Variants in GRIN2D observed in about 807,000 individuals in gnomAD.
GRIN2D encodes glutamate receptor ionotropic, NMDA 2D.
A neutral mutation model predicts 103.2 loss-of-function variants in GRIN2D; 37 were observed. The ratio of observed to expected loss-of-function variants is 0.36; its 90% CI spans 0.28 to 0.47. The LOEUF (loss-of-function observed/expected upper bound fraction) is 0.47, where lower values mean the gene tolerates loss of function less well. Among genes scored for constraint, GRIN2D ranks in the 20% least tolerant of loss-of-function variants. GRIN2D has a pLI of 1.00. For synonymous variants in GRIN2D, 845 were observed against 885.6 expected (o/e 0.95, Z 0.81); for missense variants, 1,557 against 1,910.6 (o/e 0.81, Z 3.45).
chr19:48,402,080 A>G (rs1391026125), intron 3 of GRIN2D, among the ~76,000 whole-genome samples: 2 of 151,024 alleles, frequency 1.3e-5, no homozygotes, highest in African/African-American at 2.5e-5. Context: ...AGCCTGGACA[A>G]CAGAGCGAAA....
At chr19:48,435,430 C>T (rs538412469) in intron 11 of GRIN2D, among the ~76,000 whole-genome samples, 1 of 151,560 alleles carries the variant, frequency 6.6e-6, no homozygotes, top group Non-Finnish European at 1.5e-5. Context: ...GCTGAGATTA[C>T]AGGCGTGTGC....
At position 48,444,099 on chromosome 19, in the gene GRIN2D, C is replaced by G. The variant is rs954651986; in HGVS notation, c.*162C>G. 4.4e-6 allele frequency: 2 copies of G among 457,542 alleles called. No homozygotes were observed. The highest frequency in any genetic ancestry group is 7.5e-6 in the Non-Finnish European group (2 of 266,044). 28.3% of individuals were successfully genotyped at this position (457,542 alleles called of 1,614,324 possible). On this transcript the variant is annotated 3_prime_UTR_variant, in exon 14 of 14. Coordinates refer to ENST00000263269, the MANE Select transcript of GRIN2D (RefSeq NM_000836.4). This position sits in a 1 kb window ranked among gnomAD's most constrained non-coding sequence, Gnocchi z 5.5. ...GCGCCCCCTGGTTCTGGAGGAACCGCAAGCCGGAGAGGATTTGGTCCCTCA... is the reference window on the plus strand; with the variant it reads ...GCGCCCCCTGGTTCTGGAGGAACCGGAAGCCGGAGAGGATTTGGTCCCTCA...
intron 11 of GRIN2D, among the ~76,000 whole-genome samples, chr19:48,427,472 CTTTTTTTTTTTTTT>C (rs1038381293): frequency 1.2e-5 from 1 of 83,240 alleles, no homozygotes; most frequent in Non-Finnish European, 2.2e-5. Context: ...ATCTTCTTTT[CTTTTTTTTTTTTTT>C]TTTTTTTTTT....
chr19:48,421,959 C>T lies in GRIN2D; in HGVS notation c.2252+14C>T, dbSNP rs763240984. 28 of 1,611,936 alleles carry T rather than the reference C, an allele frequency of 1.7e-5. No homozygotes were observed. The highest frequency in any genetic ancestry group is 1.1e-4 in the East Asian group (5 of 44,796). ...GCTCAAGGCAGGGTCAGCGCAGACT[C>T]GGGCCGGGGGTGGGGGTTGGGCCGC... On this transcript the variant is annotated intron_variant, in intron 11 of 13. Coordinates refer to ENST00000263269, the MANE Select transcript of GRIN2D (RefSeq NM_000836.4). The surrounding 1 kb of genome is among the most constrained non-coding windows in gnomAD (Gnocchi z 4.8).
Position 48,442,782 on chromosome 19 carries a change from G to C in GRIN2D, c.2856G>C (p.Pro952=), listed in dbSNP as rs1006751152. ...RWRRTKGAGP[P]GGAGLADGFH... is the part of the protein sequence containing the mutation. The stretch of plus-strand genomic sequence containing the variant: ...GCCGGACCAAGGGCGCGGGGCCGCC[G>C]GGGGGCGCGGGCCTGGCCGACGGCT... Residue 952 remains proline, a synonymous_variant, in exon 14 of 14, where the codon CCG becomes CCC. Transcript: ENST00000263269. The surrounding 1 kb of genome is among the most constrained non-coding windows in gnomAD (Gnocchi z 7.2). 186 of 1,066,564 alleles carry C rather than the reference G, an allele frequency of 1.7e-4. No homozygotes were observed. Among genetic ancestry groups the C allele is most frequent in the Non-Finnish European group, 2.0e-4 (174 of 883,908 alleles). The allele number at this position is 1,066,564 out of a possible 1,614,324, so 66.1% of individuals were successfully genotyped here.
intron 11 of GRIN2D, among the ~76,000 whole-genome samples, chr19:48,438,640 G>T (rs561866648): frequency 8.6e-5 from 13 of 151,760 alleles, no homozygotes; most frequent in Admixed American, 8.5e-4. Flanking sequence ...CGCCATGTTG[G>T]CCAGGCTGGT....
chr19:48,424,559 C>T (rs980012127), intron 11 of GRIN2D, among the ~76,000 whole-genome samples: 12 of 152,156 alleles, frequency 7.9e-5, no homozygotes, highest in African/African-American at 2.7e-4. Context: ...CGTGAGCCAC[C>T]GCGCCTGGCT....
chr19:48,395,516 AG>A (rs900369173), intron 2 of GRIN2D, among the ~76,000 whole-genome samples: 25 of 151,604 alleles, frequency 1.6e-4, no homozygotes, highest in Non-Finnish European at 2.5e-4. Context: ...TTGGGAGGTG[AG>A]GGGGGAGGAA....
At position 48,405,338 on chromosome 19, in the gene GRIN2D, G is replaced by A. The variant is rs780757404; in HGVS notation, c.1070G>A (p.Gly357Asp). The change falls in exon 4 of 14, where the codon GGC becomes GAC. Residue 357 changes from glycine to aspartate, a missense_variant. This residue lies in a region of GRIN2D where 490 missense variants were observed against 601.1 expected (regional missense o/e 0.82). Transcript: ENST00000263269. The surrounding 1 kb of genome is among the most constrained non-coding windows in gnomAD (Gnocchi z 5.1). ...CGCGCCCAGAACCGCACCCACCGCG[G>A]CGAGAGTCTGCATAGGTGAGTGGGG... ...DCRAQNRTHR[G>D]ESLHRYFMNI... 4 of 1,586,564 alleles carry A rather than the reference G, an allele frequency of 2.5e-6. No individual in the cohort carries two copies. The highest frequency in any genetic ancestry group is 2.3e-5 in the East Asian group (1 of 44,384).
intron 8 of GRIN2D, among the ~76,000 whole-genome samples, chr19:48,418,315 G>A (rs1970973391): frequency 6.6e-6 from 1 of 152,154 alleles, no homozygotes; most frequent in Non-Finnish European, 1.5e-5. Flanking sequence ...TTACAGGCGT[G>A]AACCACCACA....
At chr19:48,438,822 C>T (rs1375255535) in intron 11 of GRIN2D, among the ~76,000 whole-genome samples, 1 of 151,806 alleles carries the variant, frequency 6.6e-6, no homozygotes, top group Admixed American at 6.6e-5. Flanking sequence ...CCTCTGTCAC[C>T]CAGGCTGGGG....
intron 3 of GRIN2D, among the ~76,000 whole-genome samples, chr19:48,399,124 G>A (rs906950218): frequency 1.3e-5 from 2 of 152,188 alleles, no homozygotes; most frequent in African/African-American, 2.4e-5. Flanking sequence ...GTATAGGGAG[G>A]ACGTGGGCCC....
Position 48,419,303 on chromosome 19 carries a change from T to G in GRIN2D, c.1805T>G (p.Phe602Cys). ...MCLTVVAVTVFIFEYLSPVGY... is the reference protein window; with the variant it reads ...MCLTVVAVTVCIFEYLSPVGY... ...CTCACTGTGGTCGCCGTCACTGTTTTCATCTTCGAGTACCTCAGTCCTGTT... is the reference window on the plus strand; with the variant it reads ...CTCACTGTGGTCGCCGTCACTGTTTGCATCTTCGAGTACCTCAGTCCTGTT... Residue 602 changes from phenylalanine to cysteine, a missense_variant, in exon 9 of 14, where the codon TTC (phenylalanine) becomes TGC (cysteine). Phe to Cys is a radical substitution (Grantham distance 205, BLOSUM62 -2). Coordinates refer to ENST00000263269, the MANE Select transcript of GRIN2D (RefSeq NM_000836.4). 6.2e-7 allele frequency: 1 copy of G among 1,610,034 alleles called. No individual in the cohort carries two copies. The highest frequency in any genetic ancestry group is 8.5e-7 in the Non-Finnish European group (1 of 1,179,458).
intron 11 of GRIN2D, among the ~76,000 whole-genome samples, chr19:48,436,313 C>T (rs1971229656): frequency 6.6e-6 from 1 of 152,054 alleles, no homozygotes; most frequent in Non-Finnish European, 1.5e-5. Context: ...GGTTTTCTTG[C>T]TGTTTTCTGT....
At chr19:48,419,409 G>T in intron 9 of GRIN2D, 50 bp downstream of exon 9, 1 of 1,571,998 alleles carries the variant, frequency 6.4e-7, no homozygotes, top group Non-Finnish European at 8.6e-7. Context: ...GAACCACAGA[G>T]ACAGAGAACT....
intron 4 of GRIN2D, among the ~76,000 whole-genome samples, chr19:48,409,607 A>G (rs11665864): frequency 0.18 from 27,678 of 151,792 alleles, 2,714 homozygotes; most frequent in East Asian, 0.3. Flanking sequence ...TGGAGCGGAC[A>G]GACATCCAAA....
Position 48,412,093 on chromosome 19 carries a change from G to A in GRIN2D, c.1086-1898G>A, listed in dbSNP as rs528936482. 1.3e-4 allele frequency among the ~76,000 whole-genome samples: 20 copies of A among 151,986 alleles called. No individual in the cohort carries two copies. The Middle Eastern group carries it at 0.01, about 78-fold the overall frequency. ...TGTAATCCCAGCACTTTGGAAGGCC[G>A]AGGCAGGCGGATCACAAGGTCAGGA... On this transcript the variant is annotated intron_variant, in intron 4 of 13. Transcript: ENST00000263269.
chr19:48,419,546 G>C, intron 9 of GRIN2D, 39 bp from the exon 10 acceptor site: 1 of 1,478,610 alleles, frequency 6.8e-7, no homozygotes, highest in African/African-American at 1.4e-5. Flanking sequence ...TTATTGAGAA[G>C]GGATTTGGGG....
intron 11 of GRIN2D, among the ~76,000 whole-genome samples, chr19:48,433,360 T>C (rs555639735): frequency 6.6e-6 from 1 of 151,988 alleles, no homozygotes; most frequent in Admixed American, 6.6e-5. Context: ...AGCATAACTC[T>C]ATCTCAAAAA....
Sources: gnomAD v4.1 joint callset for allele counts (sites outside exome capture counted in the v4.1 genomes callset) on GRCh38, gnomAD v4.1.1 for gene constraint, gnomAD v4.1.1 regional missense constraint, Gnocchi (gnomAD v3.1) non-coding constraint, MANE v1.5 for transcripts, NCBI Gene and HGNC (gene_info 2026-07-23, HGNC 2026-07-21) for gene names.